The following PPARGC1A variants were observed in gnomAD, a reference collection of about 807,000 sequenced individuals.
PPARGC1A encodes the protein PPARG coactivator 1 alpha, also known as peroxisome proliferator-activated receptor gamma coactivator 1-alpha.
Under a neutral mutation model 88.7 loss-of-function variants are expected in PPARGC1A, and 25 were observed. The ratio of observed to expected loss-of-function variants is 0.28; its 90% confidence interval spans 0.21 to 0.39. PPARGC1A has a LOEUF of 0.39. Ranked by LOEUF, PPARGC1A falls within the 10% of genes least tolerant of loss-of-function variation. The pLI is 1.00. For synonymous variants in PPARGC1A, 363 were observed against 355.6 expected (o/e 1.02, Z -0.24); for missense variants, 880 against 968.7 (o/e 0.91, Z 1.22).
the PPARGC1A span, among the ~76,000 whole-genome samples, chr4:24,339,929 G>A: frequency 6.6e-6 from 1 of 151,986 alleles, no homozygotes; most frequent in East Asian, 1.9e-4. Flanking sequence ...AGTAGAGGCA[G>A]GGTTTCACCG....
chr4:23,972,999 T>TA, the PPARGC1A span, among the ~76,000 whole-genome samples: 4 of 152,186 alleles, frequency 2.6e-5, no homozygotes, highest in Admixed American at 2.6e-4. Flanking sequence ...TTAACTGCAT[T>TA]ATTATTCAAT....
the PPARGC1A span, among the ~76,000 whole-genome samples, chr4:24,186,769 A>C: frequency 6.6e-6 from 1 of 151,976 alleles, no homozygotes; most frequent in Non-Finnish European, 1.5e-5. Flanking sequence ...GGTTGCCAGA[A>C]CCATGGGCAG....
the PPARGC1A span, among the ~76,000 whole-genome samples, chr4:24,010,479 C>T: frequency 1.3e-5 from 2 of 152,060 alleles, no homozygotes; most frequent in Admixed American, 1.3e-4. Flanking sequence ...AAATGCCGAC[C>T]ATATTCCTCT....
the PPARGC1A span, among the ~76,000 whole-genome samples, chr4:24,076,003 G>C: frequency 6.6e-6 from 1 of 152,090 alleles, no homozygotes; most frequent in Non-Finnish European, 1.5e-5. Flanking sequence ...TTCTCTGATA[G>C]TCTTACATCA....
the PPARGC1A span, among the ~76,000 whole-genome samples, chr4:24,159,117 CTTAT>C: frequency 6.7e-6 from 1 of 148,632 alleles, no homozygotes; most frequent in Admixed American, 6.8e-5. Flanking sequence ...TAAATGTTGT[CTTAT>C]TTGTTAATCC....
At chr4:24,349,254 T>C in the PPARGC1A span, among the ~76,000 whole-genome samples, 1 of 152,152 alleles carries the variant, frequency 6.6e-6, no homozygotes, top group Admixed American at 6.5e-5. Flanking sequence ...GGTTTGATGC[T>C]CTATTTTTGT....
At chr4:24,053,487 G>GA in the PPARGC1A span, among the ~76,000 whole-genome samples, 1 of 105,306 alleles carries the variant, frequency 9.5e-6, no homozygotes. Context: ...GAATCCTAAG[G>GA]AAAAAATGAG....
the PPARGC1A span, among the ~76,000 whole-genome samples, chr4:24,033,790 A>T: frequency 6.6e-6 from 1 of 152,192 alleles, no homozygotes; most frequent in East Asian, 1.9e-4. Context: ...GACTAGGCAA[A>T]GTTCTGCAGA....
the PPARGC1A span, among the ~76,000 whole-genome samples, chr4:24,291,547 G>T: frequency 1.3e-5 from 2 of 152,136 alleles, no homozygotes; most frequent in Admixed American, 1.3e-4. Flanking sequence ...AATCCCAAGG[G>T]GTAGGTGGTT....
chr4:24,210,193 T>G, the PPARGC1A span, among the ~76,000 whole-genome samples: 10 of 152,200 alleles, frequency 6.6e-5, no homozygotes, highest in East Asian at 1.7e-3. Flanking sequence ...TAATTATGAA[T>G]GTTCCACCTA....
chr4:24,278,452 C>A, the PPARGC1A span, among the ~76,000 whole-genome samples: 1 of 152,140 alleles, frequency 6.6e-6, no homozygotes, highest in Non-Finnish European at 1.5e-5. Context: ...ATGTGTCAGA[C>A]TTTGTCCTAG....
the PPARGC1A span, among the ~76,000 whole-genome samples, chr4:24,463,508 C>T: frequency 6.6e-6 from 1 of 152,142 alleles, no homozygotes; most frequent in South Asian, 2.1e-4. Flanking sequence ...AATGACATTG[C>T]GGAACTGCCG....
intron 2 of PPARGC1A, among the ~76,000 whole-genome samples, chr4:23,838,620 A>G (rs1414257726): frequency 6.6e-6 from 1 of 152,160 alleles, no homozygotes; most frequent in Non-Finnish European, 1.5e-5. Context: ...TTCTTATTTT[A>G]TTCCCATGAG....
chr4:24,419,045 C>T, the PPARGC1A span, among the ~76,000 whole-genome samples: 1 of 151,994 alleles, frequency 6.6e-6, no homozygotes, highest in Non-Finnish European at 1.5e-5. Context: ...TACTTAGCTT[C>T]TATTCAAAAA....
At chr4:24,431,050 G>A in the PPARGC1A span, among the ~76,000 whole-genome samples, 2 of 150,194 alleles carry the variant, frequency 1.3e-5, no homozygotes, top group Non-Finnish European at 3.0e-5. Flanking sequence ...ACTTGAACCC[G>A]GGAGGTGGAG....
the PPARGC1A span, among the ~76,000 whole-genome samples, chr4:24,080,562 C>T: frequency 2.0e-5 from 3 of 152,194 alleles, no homozygotes; most frequent in East Asian, 5.8e-4. Flanking sequence ...ATGAGTGAAA[C>T]TGTAGACACC....
At chr4:24,414,477 G>T in the PPARGC1A span, among the ~76,000 whole-genome samples, 1 of 152,114 alleles carries the variant, frequency 6.6e-6, no homozygotes, top group African/African-American at 2.4e-5. Flanking sequence ...GGATAAGCCT[G>T]GTTTATGCTC....
the PPARGC1A span, among the ~76,000 whole-genome samples, chr4:24,140,386 G>C: frequency 6.6e-6 from 1 of 152,160 alleles, no homozygotes; most frequent in Non-Finnish European, 1.5e-5. Flanking sequence ...TTTAAGACAG[G>C]AACAAGGAAT....
At chr4:24,075,883 C>T in the PPARGC1A span, among the ~76,000 whole-genome samples, 3 of 152,072 alleles carry the variant, frequency 2.0e-5, no homozygotes, top group Non-Finnish European at 1.5e-5. Context: ...CTAACACATA[C>T]CACCACCAGA....
Sources: allele counts gnomAD v4.1 joint callset (sites outside exome capture counted in the v4.1 genomes callset), GRCh38; gene constraint gnomAD v4.1.1; transcripts MANE v1.5; gene names NCBI Gene and HGNC (gene_info 2026-07-23, HGNC 2026-07-21).